COPB2: variants seen among roughly 807,000 people sequenced by gnomAD.
COPB2 encodes coat protein complex I subunit beta 2.
In COPB2, 16 loss-of-function variants were observed where a neutral mutation model predicts 120.8. The observed-to-expected ratio is 0.13, with a 90% CI of 0.09 to 0.20. The LOEUF is 0.20. COPB2 is among the 10% of genes least tolerant of loss of function. The pLI is 1.00. For missense variants in COPB2, 794 were observed against 1,076.5 expected (o/e 0.74, Z 3.67); for synonymous variants, 332 against 366.3 (o/e 0.91, Z 1.07).
chr3:139,357,786 G>A lies in COPB2; in HGVS notation c.*77C>T, dbSNP rs1442839300. 1.4e-6 allele frequency: 1 copy of A among 695,690 alleles called. No homozygotes were observed. Among genetic ancestry groups the A allele is most frequent in the South Asian group, 2.3e-5 (1 of 43,826 alleles). 43.1% of individuals were successfully genotyped at this position (695,690 alleles called of 1,614,324 possible). On this transcript the variant is annotated 3_prime_UTR_variant, in exon 22 of 22. Transcript: ENST00000333188. Reference sequence around the variant, plus strand: ...TCTAAGAAGTTTCTCATAGTCCAAAGCACTGTGGTCAGGGTAGCAATCAAT... The same window carrying A: ...TCTAAGAAGTTTCTCATAGTCCAAAACACTGTGGTCAGGGTAGCAATCAAT...
chr3:139,369,370 A>G lies in COPB2; in HGVS notation c.1295-3T>C. ...CAATAAGAAGCCGCCGTAGATACCT[A>G]AAGGGAACATAAAAAGAGTTTTGCT... On this transcript the variant is annotated splice_region_variant and splice_polypyrimidine_tract_variant and intron_variant, in intron 11 of 21. Coordinates refer to ENST00000333188, the MANE Select transcript of COPB2 (RefSeq NM_004766.3). 2 of 1,611,388 alleles carry G rather than the reference A, an allele frequency of 1.2e-6. No homozygotes were observed. Among genetic ancestry groups the G allele is most frequent in the Admixed American group, 3.4e-5 (2 of 59,492 alleles).
At position 139,378,092 on chromosome 3, in the gene COPB2, G is replaced by A; in HGVS notation, c.453C>T (p.Asn151=). 6.3e-7 allele frequency: 1 copy of A among 1,587,288 alleles called. No individual in the cohort carries two copies. The part of the protein sequence containing the change: ...HTHYVMQIVI[N]PKDNNQFASA... The stretch of plus-strand genomic sequence containing the variant: ...TGGCAAACTGATTGTTATCTTTGGG[G>A]TTGATCACAATCTGCATAACATAAT... Residue 151 remains asparagine, a synonymous_variant, in exon 5 of 22, where the codon AAC becomes AAT. Transcript: ENST00000333188.
intron 1 of COPB2, among the ~76,000 whole-genome samples, chr3:139,384,216 C>T (rs1240139961): frequency 6.6e-6 from 1 of 152,136 alleles, no homozygotes; most frequent in Non-Finnish European, 1.5e-5. Context: ...TTGAATGGAT[C>T]TTTCTCTCAT....
At chr3:139,382,225 T>G (rs1031889706) in intron 2 of COPB2, 1 of 152,174 alleles carries the variant, frequency 6.6e-6, no homozygotes, top group African/African-American at 2.4e-5. Context: ...GATTTCCCCC[T>G]TGCCGTTCTC....
chr3:139,376,006 T>C (rs1027543388), intron 5 of COPB2, among the ~76,000 whole-genome samples: 1 of 152,192 alleles, frequency 6.6e-6, no homozygotes, highest in Non-Finnish European at 1.5e-5. Context: ...CCCAGCACTT[T>C]AGGAGGCCGA....
intron 1 of COPB2, chr3:139,384,976 C>G (rs911917668): frequency 1.3e-5 from 2 of 152,220 alleles, no homozygotes; most frequent in East Asian, 3.8e-4. Context: ...ACCTCTAGTT[C>G]ATAGAATTAT....
intron 2 of COPB2, chr3:139,381,295 T>C (rs1451001814): frequency 6.6e-6 from 1 of 152,226 alleles, no homozygotes; most frequent in Non-Finnish European, 1.5e-5. Flanking sequence ...AGCATCTCCT[T>C]ATTTGAAATT....
At chr3:139,389,402 A>C in intron 1 of COPB2, 146 bp downstream of exon 1, 1 of 1,152,054 alleles carries the variant, frequency 8.7e-7, no homozygotes, top group Non-Finnish European at 1.1e-6. Context: ...CCTTCCTGGA[A>C]TCAAACGACC....
intron 17 of COPB2, 102 bp downstream of exon 17, chr3:139,360,979 C>T: frequency 7.8e-7 from 1 of 1,279,396 alleles, no homozygotes; most frequent in Non-Finnish European, 1.1e-6. Flanking sequence ...TATTCAACAC[C>T]ATTTGGCCAT....
At chr3:139,367,349 T>C (rs1237518428) in intron 13 of COPB2, among the ~76,000 whole-genome samples, 1 of 151,640 alleles carries the variant, frequency 6.6e-6, no homozygotes. Flanking sequence ...TACAGTGGCG[T>C]AACCTCTGCT....
rs112105507 is a variant in COPB2, at chr3:139,371,323, C to T, written c.1205+400G>A. Among the ~76,000 whole-genome samples, 1,057 of 152,276 alleles carry T rather than the reference C, an allele frequency of 6.9e-3. 10 individuals are homozygous for T. Among genetic ancestry groups the T allele is most frequent in the Middle Eastern group, 0.024 (7 of 294 alleles). ...AAAATGATCAAACCACAACATCACT[C>T]CCAAGTAGCTCATAAAGGGGCAGTA... On this transcript the variant is annotated intron_variant, in intron 10 of 21. Coordinates refer to ENST00000333188, the MANE Select transcript of COPB2 (RefSeq NM_004766.3).
At position 139,384,147 on chromosome 3, in the gene COPB2, C is replaced by T. The variant is rs1576380058; in HGVS notation, c.4-712G>A. Among the ~76,000 whole-genome samples, 3 of 152,276 alleles carry T rather than the reference C, an allele frequency of 2.0e-5. No homozygotes were observed. In the South Asian group the frequency reaches 6.2e-4, roughly 32 times the overall value. ...GCTACTTGCAAGGTAAAATCTGAAA[C>T]CGTATCAATAAGCTGTTTATACTTC... is the stretch of plus-strand genomic sequence containing the variant. On this transcript the variant is annotated intron_variant, in intron 1 of 21. Coordinates refer to ENST00000333188, the MANE Select transcript of COPB2 (RefSeq NM_004766.3).
chr3:139,365,302 T>G (rs1009182568), intron 15 of COPB2, among the ~76,000 whole-genome samples: 1 of 151,996 alleles, frequency 6.6e-6, no homozygotes. Context: ...GTACTAAGAA[T>G]GAGGAATAAA....
chr3:139,359,012 A>G lies in COPB2; in HGVS notation c.2470T>C (p.Tyr824His). The change falls in exon 19 of 22, where the codon TAC becomes CAC. Residue 824 changes from tyrosine to histidine, a missense_variant. Physicochemically the swap from Tyr to His is moderately conservative, Grantham distance 83 (BLOSUM62 2). Around this residue, in one of 3 missense-constraint regions of COPB2, gnomAD observed 178 missense variants for 183.2 expected, o/e 0.97. Coordinates refer to ENST00000333188, the MANE Select transcript of COPB2 (RefSeq NM_004766.3). Reference sequence around the variant, plus strand: ...TGGCCACTCACCGTGACAAGTGGGTATTGTTTGGCTGGCCACAGATCAGCA... The same window carrying G: ...TGGCCACTCACCGTGACAAGTGGGTGTTGTTTGGCTGGCCACAGATCAGCA... ...THADLWPAKQ[Y>H]PLVTPNEERN... 1 of 1,612,742 alleles carries G rather than the reference A, an allele frequency of 6.2e-7. No homozygotes were observed. The highest frequency in any genetic ancestry group is 1.1e-5 in the South Asian group (1 of 90,762).
intron 2 of COPB2, chr3:139,381,875 T>C (rs571135292): frequency 2.0e-5 from 3 of 146,826 alleles, no homozygotes; most frequent in African/African-American, 7.5e-5. Context: ...ATCAGAAATA[T>C]TTTAAACATC....
At chr3:139,367,928 T>A (rs1378908714) in intron 13 of COPB2, among the ~76,000 whole-genome samples, 2 of 152,232 alleles carry the variant, frequency 1.3e-5, no homozygotes, top group African/African-American at 4.8e-5. Flanking sequence ...GTCTAAAGAA[T>A]TCTTAAAATC....
At chr3:139,359,769 G>T (rs1419265444) in intron 17 of COPB2, among the ~76,000 whole-genome samples, 1 of 151,980 alleles carries the variant, frequency 6.6e-6, no homozygotes, top group Non-Finnish European at 1.5e-5. Context: ...GAATACCATG[G>T]TGTCTTATTT....
At chr3:139,366,541 C>CAAAAAAAA in intron 15 of COPB2, 27 bp downstream of exon 15, 1 of 1,559,514 alleles carries the variant, frequency 6.4e-7, no homozygotes, top group South Asian at 1.2e-5. Flanking sequence ...TTTTAAAAAA[C>CAAAAAAAA]AAAAAGAAAA....
chr3:139,366,555 C>T lies in COPB2; in HGVS notation c.1884+13G>A, dbSNP rs770151959. On this transcript the variant is annotated intron_variant, in intron 15 of 21. Coordinates refer to ENST00000333188, the MANE Select transcript of COPB2 (RefSeq NM_004766.3). ...GTTTTAAAAAACAAAAAGAAAAAAACAAAACCTCTTACCTGCTTTTCCAAA... is the reference window on the plus strand; with the variant it reads ...GTTTTAAAAAACAAAAAGAAAAAAATAAAACCTCTTACCTGCTTTTCCAAA... 3.8e-6 allele frequency: 6 copies of T among 1,571,048 alleles called. No homozygotes were observed. Among genetic ancestry groups the T allele is most frequent in the Middle Eastern group, 3.4e-4 (2 of 5,828 alleles).
Sources: gnomAD v4.1 joint callset for allele counts (sites outside exome capture counted in the v4.1 genomes callset) on GRCh38, gnomAD v4.1.1 for gene constraint, gnomAD v4.1.1 regional missense constraint, MANE v1.5 for transcripts, NCBI Gene and HGNC (gene_info 2026-07-23, HGNC 2026-07-21) for gene names.